The following RIMS1 variants were observed in gnomAD, a reference collection of about 807,000 sequenced individuals.
The protein encoded by RIMS1 is regulating synaptic membrane exocytosis protein 1.
In RIMS1, 83 loss-of-function variants were observed where a neutral mutation model predicts 214.1. The ratio of observed to expected loss-of-function variants is 0.39; its 90% CI spans 0.32 to 0.47. The LOEUF (loss-of-function observed/expected upper bound fraction) is 0.47, where lower values mean the gene tolerates loss of function less well. Among genes scored for constraint, RIMS1 ranks in the 20% least tolerant of loss-of-function variants. The pLI is 0.99. For missense variants in RIMS1, 2,050 were observed against 2,161.8 expected (o/e 0.95, Z 1.03); for synonymous variants, 793 against 786.8 (o/e 1.01, Z -0.13).
intron 28 of RIMS1, among the ~76,000 whole-genome samples, chr6:72,328,032 A>G (rs1182961847): frequency 5.9e-5 from 9 of 151,962 alleles, no homozygotes; most frequent in Admixed American, 3.9e-4. Flanking sequence ...CAATATTCAC[A>G]ATAGCAAAGA....
intron 4 of RIMS1, among the ~76,000 whole-genome samples, chr6:72,162,497 A>G (rs1430750783): frequency 7.1e-6 from 1 of 140,396 alleles, no homozygotes; most frequent in Non-Finnish European, 1.6e-5. Context: ...GGTCTTTACA[A>G]TTTGGTATGT....
intron 13 of RIMS1, 29 bp downstream of exon 13, chr6:72,250,489 C>A (rs973238559): frequency 1.4e-6 from 2 of 1,428,822 alleles, no homozygotes. Context: ...AAAAAAAAAT[C>A]TTAAAATCTG....
intron 6 of RIMS1, among the ~76,000 whole-genome samples, chr6:72,232,012 A>G (rs57153049): frequency 0.042 from 6,440 of 151,746 alleles, 475 homozygotes; most frequent in African/African-American, 0.14. Context: ...GAGGGATACA[A>G]TAAACTTTTG....
chr6:72,125,682 C>A (rs1379492760), intron 4 of RIMS1, among the ~76,000 whole-genome samples: 8 of 152,226 alleles, frequency 5.3e-5, no homozygotes, highest in African/African-American at 1.9e-4. Flanking sequence ...ACTACTCAAG[C>A]CTCAGCAATG....
intron 2 of RIMS1, among the ~76,000 whole-genome samples, chr6:72,004,708 G>C (rs1350462405): frequency 3.8e-4 from 58 of 151,832 alleles, no homozygotes; most frequent in South Asian, 2.9e-3. Flanking sequence ...CCCACTTTTT[G>C]ATGGGGTTGT....
chr6:72,117,874 A>G (rs1270594521), intron 4 of RIMS1, among the ~76,000 whole-genome samples: 3 of 152,082 alleles, frequency 2.0e-5, no homozygotes, highest in South Asian at 4.1e-4. Context: ...GGAACTAGAG[A>G]AACAAGAATA....
intron 6 of RIMS1, among the ~76,000 whole-genome samples, chr6:72,187,118 C>T (rs1016958654): frequency 6.6e-6 from 1 of 151,506 alleles, no homozygotes. Flanking sequence ...AGAGCGAGAC[C>T]CCGTCAAGAA....
intron 19 of RIMS1, chr6:72,262,421 C>T (rs1170722267): frequency 2.0e-6 from 2 of 984,086 alleles, no homozygotes; most frequent in African/African-American, 3.5e-5. Context: ...CAGATAACAT[C>T]CTGTGGACAG....
At chr6:72,232,490 T>C (rs2154081607) in intron 6 of RIMS1, among the ~76,000 whole-genome samples, 1 of 151,752 alleles carries the variant, frequency 6.6e-6, no homozygotes, top group South Asian at 2.1e-4. Flanking sequence ...GAGATTTATC[T>C]TTTTTGGCAT....
At chr6:72,000,905 CA>C (rs768675799) in intron 2 of RIMS1, among the ~76,000 whole-genome samples, 7 of 152,228 alleles carry the variant, frequency 4.6e-5, no homozygotes, top group East Asian at 1.9e-4. Flanking sequence ...GCCCACTTCT[CA>C]AATTTTTTTT....
chr6:72,277,485 G>C (rs933724270), intron 23 of RIMS1, among the ~76,000 whole-genome samples: 2 of 152,066 alleles, frequency 1.3e-5, no homozygotes, highest in Non-Finnish European at 2.9e-5. Flanking sequence ...GGGAGGCTCA[G>C]GCAGGAGAAT....
At chr6:72,146,455 C>T (rs572222619) in intron 4 of RIMS1, among the ~76,000 whole-genome samples, 1 of 152,270 alleles carries the variant, frequency 6.6e-6, no homozygotes, top group East Asian at 1.9e-4. Flanking sequence ...AAGGATAAAT[C>T]TTAACCAGTT....
intron 2 of RIMS1, among the ~76,000 whole-genome samples, chr6:72,074,831 C>A (rs1054294199): frequency 6.6e-5 from 10 of 152,162 alleles, no homozygotes; most frequent in Non-Finnish European, 1.2e-4. Flanking sequence ...AAAATGATTT[C>A]TGGGTGTAAT....
At chr6:72,286,694 A>G (rs1008263148) in intron 24 of RIMS1, among the ~76,000 whole-genome samples, 22 of 152,304 alleles carry the variant, frequency 1.4e-4, no homozygotes, top group African/African-American at 5.3e-4. Context: ...TTAAGAAGAT[A>G]CCTTGAATTT....
At chr6:72,278,910 C>T (rs2154207815) in intron 23 of RIMS1, among the ~76,000 whole-genome samples, 1 of 151,998 alleles carries the variant, frequency 6.6e-6, no homozygotes, top group South Asian at 2.1e-4. Context: ...CAGTATAAGC[C>T]ATGTAAGTAG....
chr6:72,269,611 A>T (rs776679137), intron 22 of RIMS1, among the ~76,000 whole-genome samples: 32 of 152,096 alleles, frequency 2.1e-4, no homozygotes, highest in Non-Finnish European at 4.1e-4. Flanking sequence ...TGGTTTTGAC[A>T]TATAACCAGC....
intron 2 of RIMS1, among the ~76,000 whole-genome samples, chr6:71,999,765 C>T (rs898754122): frequency 1.3e-5 from 2 of 152,086 alleles, no homozygotes; most frequent in Admixed American, 6.6e-5. Flanking sequence ...TTTCTAATTA[C>T]TTTTTGTTGG....
chr6:72,144,077 A>G (rs2042403775), intron 4 of RIMS1, among the ~76,000 whole-genome samples: 1 of 152,212 alleles, frequency 6.6e-6, no homozygotes, highest in Non-Finnish European at 1.5e-5. Context: ...CAGCGAACGC[A>G]GGCCCGTATT....
intron 4 of RIMS1, among the ~76,000 whole-genome samples, chr6:72,142,814 C>G (rs551716320): frequency 6.6e-6 from 1 of 152,208 alleles, no homozygotes; most frequent in South Asian, 2.1e-4. Flanking sequence ...AGATAGATGA[C>G]ATTTTTAATA....
Sources: gnomAD v4.1 joint callset for allele counts (sites outside exome capture counted in the v4.1 genomes callset) on GRCh38, gnomAD v4.1.1 for gene constraint, MANE v1.5 for transcripts, NCBI Gene and HGNC (gene_info 2026-07-23, HGNC 2026-07-21) for gene names.